The following ARHGEF18 variants were observed in gnomAD, a reference collection of about 807,000 sequenced individuals.
The protein encoded by ARHGEF18 is rho guanine nucleotide exchange factor 18.
Under a neutral mutation model 155.7 loss-of-function variants are expected in ARHGEF18, and 93 were observed. That is an observed-to-expected ratio of 0.60 (90% CI 0.50 to 0.71). The LOEUF (loss-of-function observed/expected upper bound fraction) is 0.71, where lower values mean the gene tolerates loss of function less well. ARHGEF18 is among the 30% of genes least tolerant of loss of function. ARHGEF18 has a pLI of 0.00. For synonymous variants in ARHGEF18, 742 were observed against 753.1 expected (o/e 0.99, Z 0.24); for missense variants, 1,593 against 1,816.1 (o/e 0.88, Z 2.23).
Position 7,351,305 on chromosome 19 carries a change from T to TTTTGTTTGTTTG in ARHGEF18, c.-111+2088_-111+2099dup, listed in dbSNP as rs143178894. On this transcript the variant is annotated intron_variant, in intron 1 of 28. Coordinates refer to ENST00000668164, the MANE Select transcript of ARHGEF18 (RefSeq NM_001367823.1). Reference sequence around the variant, plus strand: ...AAGCAAGTCTGCTAGAGTGGACTTCTTTTGTTTGTTTGTTTGTTTGTTTGT... The same window carrying TTTTGTTTGTTTG: ...AAGCAAGTCTGCTAGAGTGGACTTCTTTTGTTTGTTTGTTTGTTTGTTTGTTTGTTTGTTTGT... Among the ~76,000 whole-genome samples, 488 of 150,416 alleles carry TTTTGTTTGTTTG rather than the reference T, an allele frequency of 3.2e-3. 3 individuals carry two copies. The highest frequency in any genetic ancestry group is 9.1e-3 in the South Asian group (43 of 4,726).
chr19:7,431,637 G>A (rs1248127863), intron 10 of ARHGEF18, among the ~76,000 whole-genome samples: 5 of 151,586 alleles, frequency 3.3e-5, no homozygotes, highest in Middle Eastern at 3.4e-3. Flanking sequence ...CCAACATGGC[G>A]AAACCCCGTC....
chr19:7,381,140 G>C (rs918501560), intron 8 of ARHGEF18, 146 bp downstream of exon 8: 1 of 515,928 alleles, frequency 1.9e-6, no homozygotes, highest in Non-Finnish European at 3.0e-6. Flanking sequence ...GGAAAGGGAG[G>C]GATGAGGCTC....
intron 3 of ARHGEF18, among the ~76,000 whole-genome samples, chr19:7,375,143 G>A (rs775275244): frequency 4.0e-5 from 6 of 151,848 alleles, no homozygotes; most frequent in Non-Finnish European, 5.9e-5. Flanking sequence ...ATGGTGGCAC[G>A]TGCCTGTAAT....
Position 7,470,057 on chromosome 19 carries a change from C to T in ARHGEF18, c.3913+28C>T, listed in dbSNP as rs773856403. ...GAGCCCCCACCCCCTGACATGAGCC[C>T]AGTCCCAGGGCAGCGGGGCTGCGGC... On this transcript the variant is annotated intron_variant, in intron 28 of 28. Coordinates refer to ENST00000668164, the MANE Select transcript of ARHGEF18 (RefSeq NM_001367823.1). This position sits in a 1 kb window ranked among gnomAD's most constrained non-coding sequence, Gnocchi z 5.9. 4.3e-6 allele frequency: 7 copies of T among 1,611,898 alleles called. No homozygotes were observed. Among genetic ancestry groups the T allele is most frequent in the African/African-American group, 4.0e-5 (3 of 74,914 alleles).
At position 7,363,354 on chromosome 19, in the gene ARHGEF18, AAAG is replaced by A. The variant is rs201879375; in HGVS notation, c.15+455_15+457del. 3.7e-4 allele frequency among the ~76,000 whole-genome samples: 56 copies of A among 152,116 alleles called. No homozygotes were observed. The East Asian group carries it at 7.5e-3, about 20-fold the overall frequency. ...GGATAAATGGATGATGGGTGAATAA[AAAG>A]AAGAAAGCTAGATGGATAGATGGAT... On this transcript the variant is annotated intron_variant, in intron 2 of 28. Transcript: ENST00000668164.
intron 19 of ARHGEF18, among the ~76,000 whole-genome samples, chr19:7,458,994 T>C (rs1402627828): frequency 2.6e-5 from 4 of 152,168 alleles, no homozygotes; most frequent in Non-Finnish European, 5.9e-5. Context: ...CCTTCCTCCT[T>C]GGGCCGAGCA....
At chr19:7,474,460 C>T (rs1344071215), downstream of ARHGEF18, among the ~76,000 whole-genome samples, 3 of 152,108 alleles carry the variant, frequency 2.0e-5, no homozygotes, top group Admixed American at 2.0e-4. Flanking sequence ...CTCACTGCAA[C>T]CGCCGCCTCC....
At chr19:7,386,688 C>T (rs535209655) in intron 10 of ARHGEF18, among the ~76,000 whole-genome samples, 3 of 152,132 alleles carry the variant, frequency 2.0e-5, no homozygotes, top group South Asian at 4.2e-4. Context: ...AGAGGTCTGT[C>T]GGAACCTGTT....
At chr19:7,450,289 C>A (rs1568347186) in intron 15 of ARHGEF18, among the ~76,000 whole-genome samples, 1 of 8,236 alleles carries the variant, frequency 1.2e-4, no homozygotes, top group African/African-American at 8.0e-4. Flanking sequence ...TGGGATCTTG[C>A]TTTCTGTTTC....
At chr19:7,365,844 C>A (rs1176080225) in intron 2 of ARHGEF18, among the ~76,000 whole-genome samples, 1 of 152,180 alleles carries the variant, frequency 6.6e-6, no homozygotes, top group Non-Finnish European at 1.5e-5. Context: ...TGGTGGTGGT[C>A]CCCGTCATGG....
intron 10 of ARHGEF18, 104 bp downstream of exon 10, chr19:7,383,307 G>A (rs1970836146): frequency 5.8e-6 from 7 of 1,203,550 alleles, no homozygotes; most frequent in African/African-American, 1.6e-5. Flanking sequence ...GTGCATCCTC[G>A]TTCTGTTTTG....
intron 10 of ARHGEF18, among the ~76,000 whole-genome samples, chr19:7,397,213 T>G (rs552598520): frequency 6.6e-6 from 1 of 152,156 alleles, no homozygotes; most frequent in South Asian, 2.1e-4. Context: ...TGGTTTTGTA[T>G]AGCTTATTTA....
chr19:7,401,782 G>A (rs902320593), intron 10 of ARHGEF18, among the ~76,000 whole-genome samples: 28 of 152,164 alleles, frequency 1.8e-4, no homozygotes, highest in African/African-American at 6.3e-4. Context: ...GCAGAGGAAT[G>A]TTCATAGTAG....
chr19:7,407,163 G>A (rs984403167), intron 10 of ARHGEF18, among the ~76,000 whole-genome samples: 1 of 151,610 alleles, frequency 6.6e-6, no homozygotes, highest in Non-Finnish European at 1.5e-5. Context: ...GGTGGCTCAC[G>A]CTGGTAATCC....
At chr19:7,426,813 G>C (rs1600399266) in intron 10 of ARHGEF18, among the ~76,000 whole-genome samples, 1 of 152,170 alleles carries the variant, frequency 6.6e-6, no homozygotes, top group Non-Finnish European at 1.5e-5. Context: ...GGACGAGACT[G>C]GTCCCAGGAG....
intron 17 of ARHGEF18, among the ~76,000 whole-genome samples, chr19:7,456,107 G>A (rs1056114820): frequency 2.6e-5 from 4 of 152,334 alleles, no homozygotes; most frequent in African/African-American, 4.8e-5. Flanking sequence ...CTCTGGACAC[G>A]GAAGGGACTT....
chr19:7,439,700 C>T (rs142302368), intron 10 of ARHGEF18: 2 of 1,255,232 alleles, frequency 1.6e-6, no homozygotes, highest in Non-Finnish European at 2.0e-6. Flanking sequence ...ACACCATGCC[C>T]TGCCATCTCT....
intron 4 of ARHGEF18, 94 bp from the exon 5 acceptor site, chr19:7,376,549 T>G: frequency 1.5e-6 from 1 of 649,728 alleles, no homozygotes; most frequent in South Asian, 8.0e-5. Context: ...TCTGTGGAGG[T>G]GGCCCTGGCT....
At chr19:7,465,648 A>G (rs1976566012) in intron 23 of ARHGEF18, among the ~76,000 whole-genome samples, 1 of 152,032 alleles carries the variant, frequency 6.6e-6, no homozygotes, top group Non-Finnish European at 1.5e-5. Flanking sequence ...GGCTCAAGCA[A>G]TCCTCCTGCC....
Sources: gnomAD v4.1 joint callset for allele counts (sites outside exome capture counted in the v4.1 genomes callset) on GRCh38, gnomAD v4.1.1 for gene constraint, Gnocchi (gnomAD v3.1) non-coding constraint, MANE v1.5 for transcripts, NCBI Gene and HGNC (gene_info 2026-07-23, HGNC 2026-07-21) for gene names.